Variants in ATE1 observed in about 807,000 individuals in gnomAD.
ATE1 encodes the protein arginyltransferase 1.
ATE1 carries 36 observed loss-of-function variants against 70.5 expected under a neutral mutation model. That is an observed-to-expected ratio of 0.51 (90% CI 0.39 to 0.67). The LOEUF is 0.67. Ranked by LOEUF, ATE1 falls within the 30% of genes least tolerant of loss-of-function variation. The pLI is 0.00. For missense variants in ATE1, 593 were observed against 629.5 expected, an observed-to-expected ratio of 0.94 and a Z score of 0.62; for synonymous variants, 232 against 219.3, an observed-to-expected ratio of 1.06 and a Z score of -0.51.
chr10:121,810,762 G>C (rs1365883584), intron 10 of ATE1, among the ~76,000 whole-genome samples: 3 of 152,114 alleles, frequency 2.0e-5, no homozygotes, highest in Admixed American at 2.0e-4. Flanking sequence ...GAGTGCAGTG[G>C]TGCAATCTCT....
intron 10 of ATE1, among the ~76,000 whole-genome samples, chr10:121,810,312 C>A (rs1947268335): frequency 6.6e-6 from 1 of 152,064 alleles, no homozygotes; most frequent in Non-Finnish European, 1.5e-5. Context: ...ACTCTGTCAC[C>A]CAGGCTGGAG....
At chr10:121,868,668 G>A (rs1298019927) in intron 8 of ATE1, among the ~76,000 whole-genome samples, 2 of 152,118 alleles carry the variant, frequency 1.3e-5, no homozygotes, top group African/African-American at 4.8e-5. Flanking sequence ...AAGGGCTCAA[G>A]AGTCAATGAC....
chr10:121,838,074 C>T (rs529357696), intron 9 of ATE1, among the ~76,000 whole-genome samples: 1 of 152,264 alleles, frequency 6.6e-6, no homozygotes, highest in Non-Finnish European at 1.5e-5. Flanking sequence ...CCACCTCCAC[C>T]TCAGATATTC....
At chr10:121,926,788 T>C (rs891624166) in intron 1 of ATE1, 2 of 985,462 alleles carry the variant, frequency 2.0e-6, no homozygotes, top group Non-Finnish European at 2.4e-6. Flanking sequence ...ACTGTAATCA[T>C]GTCGCATAAG....
At chr10:121,747,137 C>G (rs1215061934) in intron 11 of ATE1, among the ~76,000 whole-genome samples, 1 of 152,214 alleles carries the variant, frequency 6.6e-6, no homozygotes, top group African/African-American at 2.4e-5. Context: ...GGAACATCAA[C>G]GATGCCAGCC....
intron 3 of ATE1, among the ~76,000 whole-genome samples, chr10:121,917,594 A>G (rs1331019891): frequency 6.6e-6 from 1 of 152,202 alleles, no homozygotes. Flanking sequence ...CTAAATCCTT[A>G]TCTTCCACAG....
At position 121,759,782 on chromosome 10, in the gene ATE1, G is replaced by C. The variant is rs1261431998; in HGVS notation, c.1379-15924C>G. ...AGCAAGTGCTAATATAGAAGCTACA[G>C]CAAGTTACCCTGAAGATCTAGCCAA... On this transcript the variant is annotated intron_variant, in intron 11 of 11. Transcript: ENST00000224652. Among the ~76,000 whole-genome samples the C allele has an allele frequency of 2.0e-5, 3 of 150,962 alleles. No individual in the cohort carries two copies. In the East Asian group the frequency reaches 5.8e-4, roughly 29 times the overall value.
intron 8 of ATE1, among the ~76,000 whole-genome samples, chr10:121,849,020 G>A (rs2133856058): frequency 6.6e-6 from 1 of 152,104 alleles, no homozygotes; most frequent in South Asian, 2.1e-4. Context: ...AGACCAGCCT[G>A]GCCAACGTGG....
Position 121,841,100 on chromosome 10 carries a change from C to A in ATE1, c.1139G>T (p.Gly380Val). The A allele has an allele frequency of 6.4e-7, 1 of 1,566,656 alleles. No homozygotes were observed. The highest frequency in any genetic ancestry group is 8.7e-7 in the Non-Finnish European group (1 of 1,151,582). The change falls in exon 9 of 12, where the codon GGC (glycine) becomes GTC (valine). Residue 380 changes from glycine to valine, a missense_variant. Transcript: ENST00000224652. ...ATCTTACCGTAGTGCAGAGTAGACG[C>A]CCAAAGACAAAAACGAATAATCAGG... ...YDPDYSFLSL[G>V]VYSALREIAF...
chr10:121,927,619 C>G, intron 1 of ATE1: 2 of 952,906 alleles, frequency 2.1e-6, no homozygotes, highest in Non-Finnish European at 2.5e-6. Flanking sequence ...GGGGAGACCA[C>G]CACGATTTCG....
chr10:121,926,078 G>A (rs1396675564), intron 1 of ATE1, among the ~76,000 whole-genome samples: 10 of 151,704 alleles, frequency 6.6e-5, no homozygotes, highest in African/African-American at 9.7e-5. Flanking sequence ...CCGTGGTGGC[G>A]GGCACCTGTA....
At chr10:121,857,217 G>C (rs879025775) in intron 8 of ATE1, among the ~76,000 whole-genome samples, 6 of 152,150 alleles carry the variant, frequency 3.9e-5, no homozygotes, top group Non-Finnish European at 8.8e-5. Flanking sequence ...CCAACACCCA[G>C]GTAGTTAAGC....
At chr10:121,869,187 T>C (rs1949766318) in intron 8 of ATE1, among the ~76,000 whole-genome samples, 1 of 152,186 alleles carries the variant, frequency 6.6e-6, no homozygotes, top group Admixed American at 6.5e-5. Context: ...GAATTATTAT[T>C]TGCATCTAAA....
intron 10 of ATE1, among the ~76,000 whole-genome samples, chr10:121,816,491 C>G (rs1411224794): frequency 6.6e-6 from 1 of 152,170 alleles, no homozygotes; most frequent in Admixed American, 6.5e-5. Flanking sequence ...TTTCACTCTT[C>G]CACCAGGTAA....
chr10:121,744,357 C>A (rs370809092), intron 11 of ATE1, among the ~76,000 whole-genome samples: 97 of 152,168 alleles, frequency 6.4e-4, no homozygotes, highest in African/African-American at 2.2e-3. Context: ...AATTAAGTAA[C>A]AACTGCCATG....
At chr10:121,816,162 T>C (rs945842429) in intron 10 of ATE1, among the ~76,000 whole-genome samples, 6 of 152,226 alleles carry the variant, frequency 3.9e-5, no homozygotes, top group African/African-American at 1.4e-4. Context: ...TAAGTTTATA[T>C]TATACAATTA....
chr10:121,925,710 C>A (rs1275943281), intron 1 of ATE1, among the ~76,000 whole-genome samples: 4 of 150,364 alleles, frequency 2.7e-5, no homozygotes, highest in Admixed American at 6.7e-5. Context: ...TCTGTTTTCA[C>A]AAAAAAAAAA....
chr10:121,902,270 T>G, intron 6 of ATE1, 121 bp downstream of exon 6: 1 of 930,694 alleles, frequency 1.1e-6, no homozygotes, highest in Non-Finnish European at 1.6e-6. Context: ...TTTAATTTCT[T>G]TTAAATTCTC....
At chr10:121,907,502 C>A (rs377377369) in intron 5 of ATE1, among the ~76,000 whole-genome samples, 5 of 151,508 alleles carry the variant, frequency 3.3e-5, no homozygotes, top group African/African-American at 1.2e-4. Context: ...CGGCCAGACA[C>A]GGTGGTTCAC....
Sources: gnomAD v4.1 joint callset for allele counts (sites outside exome capture counted in the v4.1 genomes callset) on GRCh38, gnomAD v4.1.1 for gene constraint, MANE v1.5 for transcripts, NCBI Gene and HGNC (gene_info 2026-07-23, HGNC 2026-07-21) for gene names.